Variants in AGBL1 observed in about 807,000 individuals in gnomAD.
AGBL1 encodes the protein cytosolic carboxypeptidase 4.
A neutral mutation model predicts 118.9 loss-of-function variants in AGBL1; 130 were observed. The ratio of observed to expected loss-of-function variants is 1.09; its 90% CI spans 0.95 to 1.26. AGBL1 has a LOEUF of 1.26. AGBL1 is among the 50% of genes most tolerant of loss of function. The pLI is 0.00. For missense variants in AGBL1, 1,584 were observed against 1,298.1 expected (o/e 1.22, Z -3.38); for synonymous variants, 555 against 478.9 (o/e 1.16, Z -2.08).
At chr15:86,197,859 C>A (rs535804730) in intron 5 of AGBL1, among the ~76,000 whole-genome samples, 1 of 150,788 alleles carries the variant, frequency 6.6e-6, no homozygotes, top group South Asian at 2.1e-4. Context: ...CAGGACAGAA[C>A]AACAGAGCTA....
At chr15:86,084,332 G>A (rs946160608) in intron 1 of AGBL1, among the ~76,000 whole-genome samples, 2 of 152,156 alleles carry the variant, frequency 1.3e-5, no homozygotes, top group Non-Finnish European at 2.9e-5. Context: ...TTAGAGATTG[G>A]AGAAAATGAA....
At chr15:86,882,089 C>T (rs901175843) in intron 22 of AGBL1, among the ~76,000 whole-genome samples, 6 of 152,126 alleles carry the variant, frequency 3.9e-5, no homozygotes, top group African/African-American at 1.4e-4. Flanking sequence ...TGAAATTGCC[C>T]GTATCCAACC....
In AGBL1 at chr15:86,663,781, A is replaced by T. The variant is rs182303999; in HGVS notation, c.2995-10492A>T. ...TTGAAATGGACAATTTAATAGAGTC[A>T]GGGACTATTTCTGTCACTCTGGCTC... On this transcript the variant is annotated intron_variant, in intron 21 of 22. Transcript: ENST00000614907. Among the ~76,000 whole-genome samples the T allele has an allele frequency of 3.9e-4, 59 of 152,328 alleles. No homozygotes were observed. In the South Asian group the frequency reaches 4.1e-3, roughly 11 times the overall value.
chr15:86,387,047 A>T (rs765671193), intron 17 of AGBL1, among the ~76,000 whole-genome samples: 29 of 152,170 alleles, frequency 1.9e-4, no homozygotes, highest in Admixed American at 3.9e-4. Flanking sequence ...CAGAGAAATA[A>T]GGTATGGAAA....
At chr15:86,300,931 G>T (rs2079735107) in intron 17 of AGBL1, among the ~76,000 whole-genome samples, 1 of 152,228 alleles carries the variant, frequency 6.6e-6, no homozygotes, top group African/African-American at 2.4e-5. Flanking sequence ...CCTGCCTTGG[G>T]TTGGGAGTTG....
intron 17 of AGBL1, among the ~76,000 whole-genome samples, chr15:86,344,699 A>T (rs1435175984): frequency 6.6e-6 from 1 of 152,012 alleles, no homozygotes; most frequent in African/African-American, 2.4e-5. Flanking sequence ...ACACCTCCAT[A>T]TGTGATTTTG....
chr15:86,554,721 T>A (rs1036274477), intron 21 of AGBL1, among the ~76,000 whole-genome samples, 184 bp downstream of exon 21: 3 of 152,212 alleles, frequency 2.0e-5, no homozygotes, highest in Non-Finnish European at 4.4e-5. Context: ...ATCTTGATCC[T>A]GGAAGCAATG....
At chr15:86,295,450 G>T (rs2141776219) in intron 17 of AGBL1, 42 bp downstream of exon 17, 1 of 1,519,956 alleles carries the variant, frequency 6.6e-7, no homozygotes, top group South Asian at 1.3e-5. Flanking sequence ...TTTGACTAAG[G>T]GTGTCCTTTA....
At position 86,907,358 on chromosome 15, in the gene AGBL1, GCTT is replaced by G. The variant is rs2080294765; in HGVS notation, c.*69_*71del. The stretch of plus-strand genomic sequence containing the variant: ...GGATTGGACTAGCAGCTGTGTTGCT[GCTT>G]CTTCATCATCAGACACACACAATGT... On this transcript the variant is annotated 3_prime_UTR_variant, in exon 23 of 23. Transcript: ENST00000614907. The G allele has an allele frequency of 6.6e-6, 1 of 152,182 alleles. No individual in the cohort carries two copies. Among genetic ancestry groups the G allele is most frequent in the Admixed American group, 6.5e-5 (1 of 15,274 alleles). 9.4% of individuals were successfully genotyped at this position (152,182 alleles called of 1,614,324 possible).
At position 86,964,008 on chromosome 15, in the gene AGBL1, A is replaced by ACTCTCT. The variant is rs71460234; in HGVS notation, c.3222-23960_3222-23955dup. ...ACTAATGGAAGATCTGAGCCAGGAAACTCTCTCTCTCTCTCTCTCTCTCTG... is the reference window on the plus strand; with the variant it reads ...ACTAATGGAAGATCTGAGCCAGGAAACTCTCTCTCTCTCTCTCTCTCTCTCTCTCTG... On this transcript the variant is annotated intron_variant, in intron 23 of 24. Transcript: ENST00000441037. 7.6e-3 allele frequency among the ~76,000 whole-genome samples: 1,065 copies of ACTCTCT among 139,534 alleles called. 13 individuals carry two copies. The highest frequency in any genetic ancestry group is 0.022 in the African/African-American group (837 of 37,652). The allele number at this position is 139,534 out of a possible 152,430, so 91.5% of individuals were successfully genotyped here.
At chr15:86,968,930 A>G (rs62034303) in intron 23 of AGBL1, among the ~76,000 whole-genome samples, 2,181 of 151,870 alleles carry the variant, frequency 0.014, 18 homozygotes, top group East Asian at 0.06. Context: ...CGCTAATTCT[A>G]TTCATGAGGC....
At chr15:86,842,862 T>C (rs2079264655) in intron 22 of AGBL1, among the ~76,000 whole-genome samples, 1 of 152,130 alleles carries the variant, frequency 6.6e-6, no homozygotes, top group Non-Finnish European at 1.5e-5. Flanking sequence ...CAGTCAGAGG[T>C]ATAGTCTTCC....
intron 17 of AGBL1, among the ~76,000 whole-genome samples, chr15:86,334,307 G>A (rs1225300713): frequency 2.0e-5 from 3 of 151,950 alleles, no homozygotes; most frequent in African/African-American, 4.8e-5. Context: ...AACTGATAAA[G>A]GACTTCAGTA....
intron 17 of AGBL1, chr15:86,316,838 T>C (rs534579698): frequency 1.3e-5 from 2 of 152,468 alleles, no homozygotes; most frequent in South Asian, 2.1e-4. Flanking sequence ...CTGATCTCAG[T>C]TGAGCACTCG....
intron 22 of AGBL1, among the ~76,000 whole-genome samples, chr15:86,680,280 A>T (rs890200092): frequency 6.6e-6 from 1 of 152,092 alleles, no homozygotes; most frequent in East Asian, 1.9e-4. Context: ...ATGTTGATTC[A>T]TCTTACATTT....
chr15:86,269,389 A>G (rs1372227507), intron 13 of AGBL1, among the ~76,000 whole-genome samples: 2 of 152,252 alleles, frequency 1.3e-5, no homozygotes, highest in Admixed American at 1.3e-4. Context: ...TAGCAATGGC[A>G]TATCCAAACC....
intron 22 of AGBL1, among the ~76,000 whole-genome samples, chr15:86,782,159 G>A (rs548552540): frequency 3.1e-4 from 47 of 152,096 alleles, no homozygotes; most frequent in South Asian, 2.3e-3. Context: ...TCTGTATTAC[G>A]TTTTTATCTC....
intron 18 of AGBL1, among the ~76,000 whole-genome samples, chr15:86,436,438 G>A (rs1318800686): frequency 3.3e-5 from 5 of 152,094 alleles, no homozygotes; most frequent in African/African-American, 1.2e-4. Context: ...TTGGGTGTAT[G>A]GGAACAAGGT....
At chr15:86,929,195 C>G (rs2080578579) in intron 23 of AGBL1, among the ~76,000 whole-genome samples, 2 of 152,084 alleles carry the variant, frequency 1.3e-5, no homozygotes, top group Non-Finnish European at 2.9e-5. Context: ...CAGGTCAGGT[C>G]TTGAAACATT....
Sources: gnomAD v4.1 joint callset for allele counts (sites outside exome capture counted in the v4.1 genomes callset) on GRCh38, gnomAD v4.1.1 for gene constraint, MANE v1.5 for transcripts, NCBI Gene and HGNC (gene_info 2026-07-23, HGNC 2026-07-21) for gene names.